Variants in FAM43B observed in about 807,000 individuals in gnomAD.
FAM43B encodes protein FAM43B.
Under a neutral mutation model 20.1 loss-of-function variants are expected in FAM43B, and 17 were observed. The ratio of observed to expected loss-of-function variants is 0.84; its 90% confidence interval spans 0.58 to 1.27. The LOEUF (loss-of-function observed/expected upper bound fraction) is 1.27, where lower values mean the gene tolerates loss of function less well. Ranked by LOEUF, FAM43B falls within the 50% of genes most tolerant of loss-of-function variation. FAM43B has a pLI of 0.00. For synonymous variants in FAM43B, 208 were observed against 238.5 expected (o/e 0.87, Z 1.18); for missense variants, 512 against 516.7 (o/e 0.99, Z 0.09).
In FAM43B at chr1:20,553,874, A is replaced by G; in HGVS notation, c.901A>G (p.Ser301Gly). 4 of 1,362,646 alleles carry G rather than the reference A, an allele frequency of 2.9e-6. No individual in the cohort carries two copies. Among genetic ancestry groups the G allele is most frequent in the Non-Finnish European group, 3.8e-6 (4 of 1,050,556 alleles). 84.4% of individuals were successfully genotyped at this position (1,362,646 alleles called of 1,614,324 possible). The change falls in exon 1 of 1, where the codon AGC becomes GGC. Residue 301 changes from serine to glycine, a missense_variant. Physicochemically the swap from Ser to Gly is moderately conservative, Grantham distance 56. Coordinates refer to ENST00000332947, the MANE Select transcript of FAM43B (RefSeq NM_207334.3). This position sits in a 1 kb window ranked among gnomAD's most constrained non-coding sequence, Gnocchi z 6.5. The part of the protein sequence containing the change: ...LSLARELRTC[S>G]LRGAPAPPPP... ...CCTGGCCCGGGAGCTGAGGACGTGC[A>G]GCCTGCGGGGCGCCCCGGCGCCCCC...
At position 20,553,794 on chromosome 1, in the gene FAM43B, A is replaced by C. The variant is rs1212986601; in HGVS notation, c.821A>C (p.Asp274Ala). 2.7e-6 allele frequency: 4 copies of C among 1,474,120 alleles called. No individual in the cohort carries two copies. Among genetic ancestry groups the C allele is most frequent in the Non-Finnish European group, 3.6e-6 (4 of 1,107,304 alleles). The allele number at this position is 1,474,120 out of a possible 1,614,324, so 91.3% of individuals were successfully genotyped here. ...GAGGACGAGGAGGAGGAGGAGGACG[A>C]CGCGGAGGAGCAAGAGGGAGGAGTC... ...QEEDEEEEED[D>A]AEEQEGGVPQ... The change falls in exon 1 of 1, where the codon GAC (aspartate) becomes GCC (alanine). Residue 274 changes from aspartate (D) to alanine (A), a missense_variant. Asp to Ala is a moderately radical substitution (Grantham distance 126, BLOSUM62 -2). Transcript: ENST00000332947. The surrounding 1 kb of genome is among the most constrained non-coding windows in gnomAD (Gnocchi z 6.5).
chr1:20,554,653 C>G lies in FAM43B; in HGVS notation c.*690C>G, dbSNP rs537791251. 1 of 167,478 alleles carries G rather than the reference C, an allele frequency of 6.0e-6. No individual in the cohort carries two copies. Among genetic ancestry groups the G allele is most frequent in the African/African-American group, 2.4e-5 (1 of 41,474 alleles). 10.4% of individuals were successfully genotyped at this position (167,478 alleles called of 1,614,324 possible). A position where few individuals can be genotyped will look rare whatever the true frequency, so the allele number is the denominator to read the frequency against. On this transcript the variant is annotated 3_prime_UTR_variant, in exon 1 of 1. Coordinates refer to ENST00000332947, the MANE Select transcript of FAM43B (RefSeq NM_207334.3). ...CTGCCCACGCCTCTGCCCTGGCACCCCCAGGGGATTCCTTGCCCATCCCAT... is the reference window on the plus strand; with the variant it reads ...CTGCCCACGCCTCTGCCCTGGCACCGCCAGGGGATTCCTTGCCCATCCCAT...
Position 20,552,647 on chromosome 1 carries a change from C to G in FAM43B, c.-327C>G, listed in dbSNP as rs1178716492. On this transcript the variant is annotated 5_prime_UTR_variant, in exon 1 of 1. Transcript: ENST00000332947. Reference sequence around the variant, plus strand: ...GCGGCAGGGACCGCGGAAATCCCACCGTTTGGGCTTGGTGGACGTCCAGCC... The same window carrying G: ...GCGGCAGGGACCGCGGAAATCCCACGGTTTGGGCTTGGTGGACGTCCAGCC... 5.3e-6 allele frequency: 2 copies of G among 377,102 alleles called. No individual in the cohort carries two copies. The highest frequency in any genetic ancestry group is 9.6e-6 in the Non-Finnish European group (2 of 208,650). The allele number at this position is 377,102 out of a possible 1,614,324, so 23.4% of individuals were successfully genotyped here.
chr1:20,554,068 C>A lies in FAM43B; in HGVS notation c.*105C>A. The A allele has an allele frequency of 1.7e-6, 2 of 1,155,486 alleles. No individual in the cohort carries two copies. Among genetic ancestry groups the A allele is most frequent in the Non-Finnish European group, 2.2e-6 (2 of 925,648 alleles). 71.6% of individuals were successfully genotyped at this position (1,155,486 alleles called of 1,614,324 possible). ...CTGCCCCGGCCCCCGGCCCGTGTCTCCCCCGTGGTCTCCGTGTTGTCCGCC... is the reference window on the plus strand; with the variant it reads ...CTGCCCCGGCCCCCGGCCCGTGTCTACCCCGTGGTCTCCGTGTTGTCCGCC... On this transcript the variant is annotated 3_prime_UTR_variant, in exon 1 of 1. Transcript: ENST00000332947.
chr1:20,553,306 G>A lies in FAM43B; in HGVS notation c.333G>A (p.Lys111=), dbSNP rs1208403030. ...RCGPGGGTKM[K]LTLGPHGIRM... ...GGCCTGGCGGGGGCACTAAGATGAA[G>A]CTGACGCTGGGGCCGCACGGCATCC... Residue 111 remains lysine, a synonymous_variant, in exon 1 of 1, where the codon AAG becomes AAA. Coordinates refer to ENST00000332947, the MANE Select transcript of FAM43B (RefSeq NM_207334.3). This position sits in a 1 kb window ranked among gnomAD's most constrained non-coding sequence, Gnocchi z 6.5. 3 of 1,592,384 alleles carry A rather than the reference G, an allele frequency of 1.9e-6. No individual in the cohort carries two copies. In the East Asian group the frequency reaches 6.8e-5, roughly 36 times the overall value.
In FAM43B at chr1:20,552,818, C is replaced by T. The variant is rs1389917259; in HGVS notation, c.-156C>T. 2 of 905,788 alleles carry T rather than the reference C, an allele frequency of 2.2e-6. No individual in the cohort carries two copies. Among genetic ancestry groups the T allele is most frequent in the Non-Finnish European group, 3.3e-6 (2 of 613,792 alleles). 56.1% of individuals were successfully genotyped at this position (905,788 alleles called of 1,614,324 possible). On this transcript the variant is annotated 5_prime_UTR_variant, in exon 1 of 1. Transcript: ENST00000332947. ...CGGGCATCTGCGAAGCTAGCCCTGC[C>T]TGGCACTGGGCATCTCCAGGCAACG...
chr1:20,553,913 C>A lies in FAM43B; in HGVS notation c.940C>A (p.Pro314Thr). Residue 314 changes from proline to threonine, a missense_variant, in exon 1 of 1, where the codon CCC (proline) becomes ACC (threonine). Transcript: ENST00000332947. The surrounding 1 kb of genome is among the most constrained non-coding windows in gnomAD (Gnocchi z 6.5). ...CCCGGCGCCCCCGCCGCCCGCGCAG[C>A]CCCGCCGCTGGAAGGCCGGCCCCAG... is the stretch of plus-strand genomic sequence containing the variant. ...GAPAPPPPAQ[P>T]RRWKAGPRER... 1 of 1,256,492 alleles carries A rather than the reference C, an allele frequency of 8.0e-7. No individual in the cohort carries two copies. Among genetic ancestry groups the A allele is most frequent in the Non-Finnish European group, 9.9e-7 (1 of 1,005,836 alleles). 77.8% of individuals were successfully genotyped at this position (1,256,492 alleles called of 1,614,324 possible). A position where few individuals can be genotyped will look rare whatever the true frequency, so the allele number is the denominator to read the frequency against.
At position 20,553,637 on chromosome 1, in the gene FAM43B, C is replaced by T. The variant is rs2101144657; in HGVS notation, c.664C>T (p.Leu222Phe). The T allele has an allele frequency of 3.1e-6, 4 of 1,284,402 alleles. No individual in the cohort carries two copies. The highest frequency in any genetic ancestry group is 3.3e-5 in the East Asian group (1 of 30,668). The allele number at this position is 1,284,402 out of a possible 1,614,324, so 79.6% of individuals were successfully genotyped here. Residue 222 changes from leucine to phenylalanine, a missense_variant, in exon 1 of 1, where the codon CTC (leucine) becomes TTC (phenylalanine). Leu to Phe is a conservative substitution (Grantham distance 22, BLOSUM62 0). Transcript: ENST00000332947. The surrounding 1 kb of genome is among the most constrained non-coding windows in gnomAD (Gnocchi z 6.5). ...CGCGCGCCACGTGCGCCAGCAGCAT[C>T]TCCGCGCTGGGGGCGCCGCCGCCTC... ...SDARHVRQQH[L>F]RAGGAAASVP...
rs922495492 is a variant in FAM43B, at chr1:20,552,665, G to A, written c.-309G>A. ...ATCCCACCGTTTGGGCTTGGTGGACGTCCAGCCCACCTCACCCCCAGCCCC... is the reference window on the plus strand; with the variant it reads ...ATCCCACCGTTTGGGCTTGGTGGACATCCAGCCCACCTCACCCCCAGCCCC... On this transcript the variant is annotated 5_prime_UTR_variant, in exon 1 of 1. Transcript: ENST00000332947. The A allele has an allele frequency of 1.9e-5, 8 of 430,824 alleles. No individual in the cohort carries two copies. Among genetic ancestry groups the A allele is most frequent in the African/African-American group, 1.7e-4 (8 of 47,092 alleles). 26.7% of individuals were successfully genotyped at this position (430,824 alleles called of 1,614,324 possible).
rs889459455 is a variant in FAM43B, at chr1:20,552,694, C to T, written c.-280C>T. On this transcript the variant is annotated 5_prime_UTR_variant, in exon 1 of 1. Transcript: ENST00000332947. Reference sequence around the variant, plus strand: ...AGCCCACCTCACCCCCAGCCCCGGCCCCTCCTCGCTTCCCAGACGGCTGGA... The same window carrying T: ...AGCCCACCTCACCCCCAGCCCCGGCTCCTCCTCGCTTCCCAGACGGCTGGA... The T allele has an allele frequency of 3.9e-6, 2 of 510,170 alleles. No homozygotes were observed. The allele number at this position is 510,170 out of a possible 1,614,324, so 31.6% of individuals were successfully genotyped here. A position where few individuals can be genotyped will look rare whatever the true frequency, so the allele number is the denominator to read the frequency against.
At position 20,553,737 on chromosome 1, in the gene FAM43B, G is replaced by T. The variant is rs1308455633; in HGVS notation, c.764G>T (p.Arg255Leu). Residue 255 changes from arginine to leucine, a missense_variant, in exon 1 of 1, where the codon CGC becomes CTC. Transcript: ENST00000332947. This position sits in a 1 kb window ranked among gnomAD's most constrained non-coding sequence, Gnocchi z 6.5. The stretch of plus-strand genomic sequence containing the variant: ...CGGCCGCCGCCGAGCGAGCGCAGCC[G>T]CGGGGCGCCGCGCCTCAGCAGCATC... ...AYRPPPSERS[R>L]GAPRLSSIQE... 2 of 1,464,848 alleles carry T rather than the reference G, an allele frequency of 1.4e-6. No homozygotes were observed. The highest frequency in any genetic ancestry group is 3.0e-5 in the African/African-American group (2 of 67,644). The allele number at this position is 1,464,848 out of a possible 1,614,324, so 90.7% of individuals were successfully genotyped here. A position where few individuals can be genotyped will look rare whatever the true frequency, so the allele number is the denominator to read the frequency against.
Position 20,553,826 on chromosome 1 carries a change from C to T in FAM43B, c.853C>T (p.Arg285Cys). The change falls in exon 1 of 1, where the codon CGC (arginine) becomes TGC (cysteine). Residue 285 changes from arginine (R) to cysteine (C), a missense_variant. Coordinates refer to ENST00000332947, the MANE Select transcript of FAM43B (RefSeq NM_207334.3). The surrounding 1 kb of genome is among the most constrained non-coding windows in gnomAD (Gnocchi z 6.5). ...AEEQEGGVPQRERPEVLSLAR... is the reference protein window; with the variant it reads ...AEEQEGGVPQCERPEVLSLAR... ...GGAGCAAGAGGGAGGAGTCCCCCAG[C>T]GCGAGCGGCCGGAGGTGCTCAGCCT... The T allele has an allele frequency of 6.8e-7, 1 of 1,460,722 alleles. No individual in the cohort carries two copies. The highest frequency in any genetic ancestry group is 9.1e-7 in the Non-Finnish European group (1 of 1,100,428). 90.5% of individuals were successfully genotyped at this position (1,460,722 alleles called of 1,614,324 possible). A position where few individuals can be genotyped will look rare whatever the true frequency, so the allele number is the denominator to read the frequency against.
rs947016580 is a variant in FAM43B at position 20,554,536 on chromosome 1, G to A, written c.*573G>A. The A allele has an allele frequency of 6.0e-6, 1 of 167,498 alleles. No homozygotes were observed. Among genetic ancestry groups the A allele is most frequent in the Non-Finnish European group, 1.5e-5 (1 of 68,474 alleles). The allele number at this position is 167,498 out of a possible 1,614,324, so 10.4% of individuals were successfully genotyped here. A position where few individuals can be genotyped will look rare whatever the true frequency, so the allele number is the denominator to read the frequency against. On this transcript the variant is annotated 3_prime_UTR_variant, in exon 1 of 1. Transcript: ENST00000332947. Reference sequence around the variant, plus strand: ...TCTCTACGCCTTGGAGGACTCCTGTGACTTCACTGCTCTGCCTCTGGAGAA... The same window carrying A: ...TCTCTACGCCTTGGAGGACTCCTGTAACTTCACTGCTCTGCCTCTGGAGAA...
chr1:20,552,857 C>A lies in FAM43B; in HGVS notation c.-117C>A, dbSNP rs984842559. 6 of 1,284,572 alleles carry A rather than the reference C, an allele frequency of 4.7e-6. No homozygotes were observed. Among genetic ancestry groups the A allele is most frequent in the Admixed American group, 2.2e-5 (1 of 44,484 alleles). 79.6% of individuals were successfully genotyped at this position (1,284,572 alleles called of 1,614,324 possible). A position where few individuals can be genotyped will look rare whatever the true frequency, so the allele number is the denominator to read the frequency against. ...CTCCAGGCAACGACTGTCCCCGGCC[C>A]TGCCCAGCTTCTCGCGACTCCAGGG... On this transcript the variant is annotated 5_prime_UTR_variant, in exon 1 of 1. It adds an upstream start codon to the 5' untranslated region. Transcript: ENST00000332947.
At position 20,554,142 on chromosome 1, in the gene FAM43B, T is replaced by A; in HGVS notation, c.*179T>A. ...GTGATGCCTGATACGCCCTTGGTTA[T>A]TGGGGGGTGTTCCTCTCTCCCCACA... On this transcript the variant is annotated 3_prime_UTR_variant, in exon 1 of 1. Transcript: ENST00000332947. 3.0e-6 allele frequency: 2 copies of A among 662,076 alleles called. No individual in the cohort carries two copies. The highest frequency in any genetic ancestry group is 4.2e-6 in the Non-Finnish European group (2 of 476,230). The allele number at this position is 662,076 out of a possible 1,614,324, so 41.0% of individuals were successfully genotyped here.
In FAM43B at chr1:20,553,367, T is replaced by G; in HGVS notation, c.394T>G (p.Ser132Ala). Residue 132 changes from serine to alanine, a missense_variant, in exon 1 of 1, where the codon TCG (serine) becomes GCG (alanine). Physicochemically the swap from Ser to Ala is moderately conservative, Grantham distance 99. Transcript: ENST00000332947. The surrounding 1 kb of genome is among the most constrained non-coding windows in gnomAD (Gnocchi z 6.5). ...GTGCGAGCGCAGCGCCGCCGGGGGT[T>G]CGGGGGGCCGCAGGCCGGCGCACGC... Reference protein sequence around the residue: ...QPCERSAAGGSGGRRPAHAYL... With the variant: ...QPCERSAAGGAGGRRPAHAYL... 1 of 1,481,840 alleles carries G rather than the reference T, an allele frequency of 6.7e-7. No homozygotes were observed. Among genetic ancestry groups the G allele is most frequent in the Non-Finnish European group, 8.9e-7 (1 of 1,124,482 alleles). The allele number at this position is 1,481,840 out of a possible 1,614,324, so 91.8% of individuals were successfully genotyped here. A position where few individuals can be genotyped will look rare whatever the true frequency, so the allele number is the denominator to read the frequency against.
At position 20,553,104 on chromosome 1, in the gene FAM43B, T is replaced by G. The variant is rs1280152578; in HGVS notation, c.131T>G (p.Leu44Arg). Residue 44 changes from leucine (L) to arginine (R), a missense_variant, in exon 1 of 1, where the codon CTG becomes CGG. By Grantham distance (102) the Leu-to-Arg change is moderately radical (BLOSUM62 -2). Transcript: ENST00000332947. This position sits in a 1 kb window ranked among gnomAD's most constrained non-coding sequence, Gnocchi z 6.5. ...TTCCTGCGCTCCTGCCCGGACCTGC[T>G]GCCCGACTGGCCGCTGGAGCGCTTG... is the stretch of plus-strand genomic sequence containing the variant. ...SSFLRSCPDL[L>R]PDWPLERLGR... 2.5e-6 allele frequency: 4 copies of G among 1,613,334 alleles called. No homozygotes were observed. The highest frequency in any genetic ancestry group is 3.4e-6 in the Non-Finnish European group (4 of 1,179,886).
In FAM43B at chr1:20,553,983, G is replaced by A; in HGVS notation, c.*20G>A. On this transcript the variant is annotated 3_prime_UTR_variant, in exon 1 of 1. Coordinates refer to ENST00000332947, the MANE Select transcript of FAM43B (RefSeq NM_207334.3). The surrounding 1 kb of genome is among the most constrained non-coding windows in gnomAD (Gnocchi z 6.5). ...CGCTGAGAGCCGAAGGACAGGACTC[G>A]CAGCCCCAGGCCCGACCCGCCAGAC... 4 of 1,213,430 alleles carry A rather than the reference G, an allele frequency of 3.3e-6. No individual in the cohort carries two copies. Among genetic ancestry groups the A allele is most frequent in the Non-Finnish European group, 4.1e-6 (4 of 977,792 alleles). 75.2% of individuals were successfully genotyped at this position (1,213,430 alleles called of 1,614,324 possible).
rs2052170911 is a variant in FAM43B, at chr1:20,554,373, G to A, written c.*410G>A. The A allele has an allele frequency of 6.1e-6, 1 of 164,816 alleles. No individual in the cohort carries two copies. Among genetic ancestry groups the A allele is most frequent in the Admixed American group, 6.6e-5 (1 of 15,120 alleles). 10.2% of individuals were successfully genotyped at this position (164,816 alleles called of 1,614,324 possible). ...CTTGGTCCCTCTAGCCTTCTTCCCT[G>A]TGCAAAAAAAAATGACCCTGGAGAG... is the stretch of plus-strand genomic sequence containing the variant. On this transcript the variant is annotated 3_prime_UTR_variant, in exon 1 of 1. Coordinates refer to ENST00000332947, the MANE Select transcript of FAM43B (RefSeq NM_207334.3).
Sources: allele counts gnomAD v4.1 joint callset, GRCh38; gene constraint gnomAD v4.1.1; non-coding constraint Gnocchi (gnomAD v3.1); transcripts MANE v1.5; gene names NCBI Gene and HGNC (gene_info 2026-07-23, HGNC 2026-07-21).